Variants in FBLN1 observed in about 807,000 individuals in gnomAD.
FBLN1 encodes the protein fibulin-1.
Under a neutral mutation model 89.7 loss-of-function variants are expected in FBLN1, and 34 were observed. The ratio of observed to expected loss-of-function variants is 0.38; its 90% CI spans 0.29 to 0.50. FBLN1 has a LOEUF of 0.50. Ranked by LOEUF, FBLN1 falls within the 20% of genes least tolerant of loss-of-function variation. The pLI, the probability that FBLN1 is intolerant of heterozygous loss-of-function variation, is 0.92. For synonymous variants in FBLN1, 393 were observed against 391.3 expected (o/e 1.00, Z -0.05); for missense variants, 777 against 988.1 (o/e 0.79, Z 2.86).
intron 11 of FBLN1, among the ~76,000 whole-genome samples, chr22:45,544,782 A>T (rs2088604862): frequency 6.6e-6 from 1 of 152,194 alleles, no homozygotes; most frequent in Non-Finnish European, 1.5e-5. Context: ...TCCTGCCAAC[A>T]GTCTTGTGGT....
At position 45,550,240 on chromosome 22, in the gene FBLN1, T is replaced by C. The variant is rs536802149; in HGVS notation, c.1574-252T>C. Among the ~76,000 whole-genome samples, 2 of 152,212 alleles carry C rather than the reference T, an allele frequency of 1.3e-5. No individual in the cohort carries two copies. Among genetic ancestry groups the C allele is most frequent in the African/African-American group, 4.8e-5 (2 of 41,460 alleles). On this transcript the variant is annotated intron_variant, in intron 13 of 16. Transcript: ENST00000327858. The surrounding 1 kb of genome is among the most constrained non-coding windows in gnomAD (Gnocchi z 8.4). The stretch of plus-strand genomic sequence containing the variant: ...GGTACTCCCAGGACCCATCATGTAG[T>C]GTTTACTTTTACCATCGTCACGCTC...
chr22:45,593,942 C>T (rs1234334041), intron 16 of FBLN1, among the ~76,000 whole-genome samples: 1 of 152,186 alleles, frequency 6.6e-6, no homozygotes, highest in Non-Finnish European at 1.5e-5. Flanking sequence ...ACAAGGAGGC[C>T]GACTGTGAGC....
intron 1 of FBLN1, among the ~76,000 whole-genome samples, chr22:45,514,043 G>A (rs1447211720): frequency 6.6e-6 from 1 of 151,852 alleles, no homozygotes; most frequent in African/African-American, 2.4e-5. Flanking sequence ...CGCCCACCTC[G>A]ACCTGCTGGG....
rs1168921683 is a variant in FBLN1, at chr22:45,556,803, C to G, written c.1697+6188C>G. 6.6e-6 allele frequency among the ~76,000 whole-genome samples: 1 copy of G among 152,070 alleles called. No homozygotes were observed. Among genetic ancestry groups the G allele is most frequent in the Non-Finnish European group, 1.5e-5 (1 of 68,002 alleles). On this transcript the variant is annotated intron_variant, in intron 14 of 16. Transcript: ENST00000327858. The surrounding 1 kb of genome is among the most constrained non-coding windows in gnomAD (Gnocchi z 4.6). ...GTTCTGTCTCCTGGTGGCGGCGTTC[C>G]TCCCTCTGGAACTAAGACCTCTAGG...
At chr22:45,516,655 A>AG (rs1404268155) in intron 1 of FBLN1, among the ~76,000 whole-genome samples, 1 of 151,384 alleles carries the variant, frequency 6.6e-6, no homozygotes, top group African/African-American at 2.4e-5. Context: ...CTGAGGTGGG[A>AG]GGGGGGCTGA....
rs1437775478 is a variant in FBLN1, at chr22:45,531,503, G to C, written c.544+179G>C. Among the ~76,000 whole-genome samples, 2 of 152,184 alleles carry C rather than the reference G, an allele frequency of 1.3e-5. No individual in the cohort carries two copies. Among genetic ancestry groups the C allele is most frequent in the Admixed American group, 6.5e-5 (1 of 15,280 alleles). On this transcript the variant is annotated intron_variant, in intron 5 of 16. Coordinates refer to ENST00000327858, the MANE Select transcript of FBLN1 (RefSeq NM_006486.3). This position sits in a 1 kb window ranked among gnomAD's most constrained non-coding sequence, Gnocchi z 4.9. ...CCTTTGCACTCTAGCCTGGGCAACAGAGCTGGACCCCGTCTCAAAAACAAA... is the reference window on the plus strand; with the variant it reads ...CCTTTGCACTCTAGCCTGGGCAACACAGCTGGACCCCGTCTCAAAAACAAA...
chr22:45,563,478 TC>T lies in FBLN1; in HGVS notation c.1698-11029del. 1.9e-6 allele frequency: 2 copies of T among 1,029,180 alleles called. No individual in the cohort carries two copies. Among genetic ancestry groups the T allele is most frequent in the Non-Finnish European group, 2.8e-6 (2 of 723,892 alleles). 63.8% of individuals were successfully genotyped at this position (1,029,180 alleles called of 1,614,324 possible). ...CCCCCGAGGGCTGACTGAGGAGCGC[TC>T]CCCACTAGAGGGTGTGTGCTCGGGG... On this transcript the variant is annotated intron_variant, in intron 14 of 16. Coordinates refer to ENST00000327858, the MANE Select transcript of FBLN1 (RefSeq NM_006486.3). The surrounding 1 kb of genome is among the most constrained non-coding windows in gnomAD (Gnocchi z 5.7).
At chr22:45,541,013 A>C (rs551139605) in intron 8 of FBLN1, among the ~76,000 whole-genome samples, 2 of 152,346 alleles carry the variant, frequency 1.3e-5, no homozygotes, top group East Asian at 1.9e-4. Context: ...AGGGACAGGA[A>C]GAAGGGCCAG....
At chr22:45,571,147 A>G (rs1337524986) in intron 14 of FBLN1, among the ~76,000 whole-genome samples, 2 of 150,326 alleles carry the variant, frequency 1.3e-5, no homozygotes, top group African/African-American at 4.9e-5. Context: ...GAAAGAAAGA[A>G]AAGGAGGGAA....
chr22:45,569,526 C>T (rs75544592), intron 14 of FBLN1, among the ~76,000 whole-genome samples: 12,058 of 152,106 alleles, frequency 0.079, 521 homozygotes, highest in South Asian at 0.15. Context: ...GTAATCTCAG[C>T]GACTTGGGAG....
rs766840607 is a variant in FBLN1 at position 45,583,357 on chromosome 22, C to T, written c.1972+6249C>T. Reference sequence around the variant, plus strand: ...ATGGCAGCGATGAAGTCCACATGATCGAAGGGTGGATGCTTACCTTAGACA... The same window carrying T: ...ATGGCAGCGATGAAGTCCACATGATTGAAGGGTGGATGCTTACCTTAGACA... On this transcript the variant is annotated intron_variant, in intron 16 of 16. Coordinates refer to ENST00000327858, the MANE Select transcript of FBLN1 (RefSeq NM_006486.3). The surrounding 1 kb of genome is among the most constrained non-coding windows in gnomAD (Gnocchi z 4.5). Among the ~76,000 whole-genome samples the T allele has an allele frequency of 1.3e-5, 2 of 152,074 alleles. No individual in the cohort carries two copies. The highest frequency in any genetic ancestry group is 1.5e-5 in the Non-Finnish European group (1 of 68,004).
intron 2 of FBLN1, among the ~76,000 whole-genome samples, chr22:45,520,506 C>G (rs2088235670): frequency 6.6e-6 from 1 of 152,204 alleles, no homozygotes; most frequent in Non-Finnish European, 1.5e-5. Context: ...CCTCATTTAA[C>G]TATGTCACCC....
At chr22:45,592,699 C>T (rs1010349888) in intron 16 of FBLN1, among the ~76,000 whole-genome samples, 2 of 152,154 alleles carry the variant, frequency 1.3e-5, no homozygotes, top group African/African-American at 2.4e-5. Flanking sequence ...AACTGTGGAG[C>T]CTCTTGGGGT....
Position 45,579,555 on chromosome 22 carries a change from G to C in FBLN1, c.1972+2447G>C, listed in dbSNP as rs542928538. Among the ~76,000 whole-genome samples, 1 of 152,320 alleles carries C rather than the reference G, an allele frequency of 6.6e-6. No homozygotes were observed. The highest frequency in any genetic ancestry group is 2.1e-4 in the South Asian group (1 of 4,826). ...CCCCAGCCTGGCCCTTGGAATTGTC[G>C]TGCCTGTAGCCCTGTGTGCTGGGGA... On this transcript the variant is annotated intron_variant, in intron 16 of 16. Transcript: ENST00000327858. The surrounding 1 kb of genome is among the most constrained non-coding windows in gnomAD (Gnocchi z 5.5).
intron 14 of FBLN1, among the ~76,000 whole-genome samples, chr22:45,552,090 A>G (rs1204662321): frequency 6.6e-6 from 1 of 152,172 alleles, no homozygotes; most frequent in African/African-American, 2.4e-5. Flanking sequence ...TGCTGGAGAA[A>G]GTCGTTTCTT....
rs1243577151 is a variant in FBLN1, at chr22:45,574,558, G to A, written c.1745G>A (p.Arg582His). ...ACGGTCCGCTGCATCAAGTCCTGCC[G>A]CCCCAACGATGTCACATGCGTGTTC... ...TDTVRCIKSCRPNDVTCVFDP... is the reference protein window; with the variant it reads ...TDTVRCIKSCHPNDVTCVFDP... The change falls in exon 15 of 17, where the codon CGC becomes CAC. Residue 582 changes from arginine to histidine, a missense_variant. Coordinates refer to ENST00000327858, the MANE Select transcript of FBLN1 (RefSeq NM_006486.3). The surrounding 1 kb of genome is among the most constrained non-coding windows in gnomAD (Gnocchi z 4.1). The A allele has an allele frequency of 2.5e-6, 4 of 1,614,110 alleles. No homozygotes were observed. The highest frequency in any genetic ancestry group is 1.7e-5 in the Admixed American group (1 of 60,022).
In FBLN1 at chr22:45,540,205, C is replaced by T. The variant is rs147759961; in HGVS notation, c.923-1024C>T. Among the ~76,000 whole-genome samples, 992 of 152,340 alleles carry T rather than the reference C, an allele frequency of 6.5e-3. 4 individuals are homozygous for T. The highest frequency in any genetic ancestry group is 0.015 in the South Asian group (72 of 4,834). ...TCTAGACCTAGGCCCTGGTTGGCCC[C>T]TGACTTCAGCCATGAGCCCAGAGTC... is the stretch of plus-strand genomic sequence containing the variant. On this transcript the variant is annotated intron_variant, in intron 8 of 16. Transcript: ENST00000327858.
rs1171039652 is a variant in FBLN1 at position 45,563,307 on chromosome 22, C to T, written c.1698-11204C>T. ...CGCGGGGTCTCCCTCCTGTTGCTTT[C>T]CTAACCCTGCCCTCCGGGGCGTTAA... is the stretch of plus-strand genomic sequence containing the variant. On this transcript the variant is annotated intron_variant, in intron 14 of 16. Coordinates refer to ENST00000327858, the MANE Select transcript of FBLN1 (RefSeq NM_006486.3). The surrounding 1 kb of genome is among the most constrained non-coding windows in gnomAD (Gnocchi z 5.7). 6.2e-7 allele frequency: 1 copy of T among 1,612,550 alleles called. No individual in the cohort carries two copies. Among genetic ancestry groups the T allele is most frequent in the South Asian group, 1.1e-5 (1 of 91,042 alleles).
At chr22:45,529,795 A>G (rs879528508) in intron 4 of FBLN1, among the ~76,000 whole-genome samples, 7 of 152,162 alleles carry the variant, frequency 4.6e-5, no homozygotes, top group Admixed American at 1.3e-4. Context: ...TGAACCTGGG[A>G]GGCGGAGGTT....
Sources: gnomAD v4.1 joint callset for allele counts (sites outside exome capture counted in the v4.1 genomes callset) on GRCh38, gnomAD v4.1.1 for gene constraint, Gnocchi (gnomAD v3.1) non-coding constraint, MANE v1.5 for transcripts, NCBI Gene and HGNC (gene_info 2026-07-23, HGNC 2026-07-21) for gene names.